ULK4: variants seen among roughly 807,000 people sequenced by gnomAD.
ULK4 encodes unc-51 like kinase 4.
ULK4 carries 133 observed loss-of-function variants against 160.6 expected under a neutral mutation model. The observed-to-expected ratio is 0.83, with a 90% CI of 0.72 to 0.96. ULK4 has a LOEUF of 0.96. Among genes scored for constraint, ULK4 ranks in the 40% least tolerant of loss-of-function variants. The pLI, the probability that ULK4 is intolerant of heterozygous loss-of-function variation, is 0.00. For missense variants in ULK4, 1,580 were observed against 1,499.5 expected, an observed-to-expected ratio of 1.05 and a Z score of -0.89; for synonymous variants, 534 against 539.8, an observed-to-expected ratio of 0.99 and a Z score of 0.15.
chr3:41,742,643 G>C (rs2038280974), intron 22 of ULK4, among the ~76,000 whole-genome samples: 1 of 151,908 alleles, frequency 6.6e-6, no homozygotes, highest in African/African-American at 2.4e-5. Context: ...TACTACACTA[G>C]TATGAATCAG....
chr3:41,464,976 T>C (rs2083790035), intron 32 of ULK4, among the ~76,000 whole-genome samples: 1 of 152,220 alleles, frequency 6.6e-6, no homozygotes, highest in African/African-American at 2.4e-5. Flanking sequence ...ATTTCCAGTC[T>C]ACTGTGTAAA....
At chr3:41,447,791 A>C (rs926155875) in intron 34 of ULK4, among the ~76,000 whole-genome samples, 1 of 152,126 alleles carries the variant, frequency 6.6e-6, no homozygotes, top group African/African-American at 2.4e-5. Flanking sequence ...CTTTCTTGTC[A>C]ATCAAAGATA....
intron 32 of ULK4, among the ~76,000 whole-genome samples, chr3:41,558,016 G>A (rs1185749705): frequency 6.6e-6 from 1 of 152,050 alleles, no homozygotes; most frequent in African/African-American, 2.4e-5. Context: ...TGCTCTTGTG[G>A]AAATATAAAT....
At chr3:41,559,184 T>C (rs959090357) in intron 32 of ULK4, among the ~76,000 whole-genome samples, 3 of 148,018 alleles carry the variant, frequency 2.0e-5, no homozygotes, top group Non-Finnish European at 3.0e-5. Flanking sequence ...GCTTCATCCA[T>C]GTCCCTACAA....
intron 18 of ULK4, among the ~76,000 whole-genome samples, chr3:41,827,071 A>G (rs903139791): frequency 9.3e-5 from 14 of 150,946 alleles, no homozygotes; most frequent in Admixed American, 3.3e-4. Flanking sequence ...TGGGTACATA[A>G]CGAAACAAAG....
intron 17 of ULK4, among the ~76,000 whole-genome samples, chr3:41,881,310 ACAGGAAAAAGATG>A (rs1697511636): frequency 7.4e-6 from 1 of 135,372 alleles, no homozygotes; most frequent in African/African-American, 2.7e-5. Flanking sequence ...AAAAAAAAAA[ACAGGAAAAAGATG>A]AAACATGGTA....
At chr3:41,811,366 G>A (rs1192039724) in intron 19 of ULK4, among the ~76,000 whole-genome samples, 3 of 151,844 alleles carry the variant, frequency 2.0e-5, no homozygotes, top group African/African-American at 4.8e-5. Flanking sequence ...TTAGAGACGG[G>A]GTTTCATTCA....
intron 21 of ULK4, among the ~76,000 whole-genome samples, chr3:41,787,679 C>T (rs1385137306): frequency 2.0e-5 from 3 of 152,202 alleles, no homozygotes; most frequent in African/African-American, 7.2e-5. Context: ...TTTAACACTA[C>T]TGAACTGTAC....
At chr3:41,856,596 TATATATGTGTATATATATAC>T (rs1282130743) in intron 17 of ULK4, among the ~76,000 whole-genome samples, 18 of 79,418 alleles carry the variant, frequency 2.3e-4, no homozygotes, top group African/African-American at 1.6e-3. Context: ...TACACATATA[TATATATGTGTATATATATAC>T]ACATATATAT....
chr3:41,265,385 G>A (rs540388881), intron 35 of ULK4, among the ~76,000 whole-genome samples: 1 of 152,340 alleles, frequency 6.6e-6, no homozygotes, highest in African/African-American at 2.4e-5. Flanking sequence ...AGCTGGTAGG[G>A]CCACGCAAAC....
chr3:41,464,924 G>A (rs1044049984), intron 32 of ULK4, among the ~76,000 whole-genome samples: 2 of 152,176 alleles, frequency 1.3e-5, no homozygotes, highest in African/African-American at 4.8e-5. Context: ...AGGAAGGAGT[G>A]CAAAGAATGA....
chr3:41,310,499 TAACAC>T (rs1322858088), intron 35 of ULK4, among the ~76,000 whole-genome samples: 2 of 151,886 alleles, frequency 1.3e-5, no homozygotes, highest in African/African-American at 4.8e-5. Context: ...CAGTAAATAA[TAACAC>T]AACATAAAAC....
At chr3:41,775,740 G>A (rs2039588369) in intron 21 of ULK4, among the ~76,000 whole-genome samples, 1 of 150,596 alleles carries the variant, frequency 6.6e-6, no homozygotes, top group African/African-American at 2.5e-5. Flanking sequence ...ACATAAATAT[G>A]GAAATGAACT....
chr3:41,890,250 G>A (rs1212925215), intron 16 of ULK4, among the ~76,000 whole-genome samples: 1 of 152,234 alleles, frequency 6.6e-6, no homozygotes, highest in East Asian at 1.9e-4. Flanking sequence ...CAATAAACAA[G>A]AGAAAGTGAG....
chr3:41,409,993 A>G (rs2082379055), intron 34 of ULK4, among the ~76,000 whole-genome samples: 1 of 152,064 alleles, frequency 6.6e-6, no homozygotes. Flanking sequence ...CCACCATGAG[A>G]TATCAGTTCA....
At chr3:41,628,677 T>A (rs1238277570) in intron 30 of ULK4, among the ~76,000 whole-genome samples, 1 of 152,254 alleles carries the variant, frequency 6.6e-6, no homozygotes, top group South Asian at 2.1e-4. Context: ...AAAAAGTATA[T>A]CATTTGGAAA....
chr3:41,652,945 G>A (rs1217370574), intron 30 of ULK4, among the ~76,000 whole-genome samples: 2 of 152,052 alleles, frequency 1.3e-5, no homozygotes, highest in Non-Finnish European at 2.9e-5. Context: ...ATTACTGCTG[G>A]GGCCTCATTT....
intron 22 of ULK4, among the ~76,000 whole-genome samples, chr3:41,751,088 T>C (rs2038612561): frequency 6.6e-6 from 1 of 151,404 alleles, no homozygotes; most frequent in African/African-American, 2.4e-5. Flanking sequence ...CTCTTTCAAG[T>C]ACCATGTTTC....
chr3:41,285,165 T>C (rs368370015), intron 35 of ULK4, among the ~76,000 whole-genome samples: 1 of 152,200 alleles, frequency 6.6e-6, no homozygotes, highest in Non-Finnish European at 1.5e-5. Context: ...ACAGCCACTA[T>C]GGAAAACAGT....
Sources: gnomAD v4.1 joint callset for allele counts (sites outside exome capture counted in the v4.1 genomes callset) on GRCh38, gnomAD v4.1.1 for gene constraint, MANE v1.5 for transcripts, NCBI Gene and HGNC (gene_info 2026-07-23, HGNC 2026-07-21) for gene names.